Variants in CCDC149 observed in about 807,000 individuals in gnomAD.
CCDC149 encodes coiled-coil domain-containing protein 149.
CCDC149 carries 45 observed loss-of-function variants against 59.9 expected under a neutral mutation model. That is an observed-to-expected ratio of 0.75 (90% confidence interval 0.59 to 0.96). The LOEUF is 0.96. Among genes scored for constraint, CCDC149 ranks in the 40% least tolerant of loss-of-function variants. The pLI, the probability that CCDC149 is intolerant of heterozygous loss-of-function variation, is 0.00. For missense variants in CCDC149, 584 were observed against 664.7 expected (o/e 0.88, Z 1.33); for synonymous variants, 245 against 260.6 (o/e 0.94, Z 0.58).
chr4:24,973,893 T>C (rs1441630517), intron 1 of CCDC149, among the ~76,000 whole-genome samples: 1 of 152,240 alleles, frequency 6.6e-6, no homozygotes, highest in African/African-American at 2.4e-5. Flanking sequence ...GCTGCCTGCC[T>C]TAAGGCAAGT....
At chr4:24,831,921 G>A (rs1668723867) in intron 8 of CCDC149, among the ~76,000 whole-genome samples, 1 of 152,154 alleles carries the variant, frequency 6.6e-6, no homozygotes, top group South Asian at 2.1e-4. Context: ...CTTTCATAAT[G>A]ACTAACGCAT....
At chr4:24,835,466 G>T (rs963483912) in intron 7 of CCDC149, among the ~76,000 whole-genome samples, 2 of 152,152 alleles carry the variant, frequency 1.3e-5, no homozygotes, top group African/African-American at 4.8e-5. Flanking sequence ...GTCTGCCGTG[G>T]ATACAGATTA....
chr4:24,947,254 G>A (rs939167241), intron 1 of CCDC149, among the ~76,000 whole-genome samples: 8 of 152,138 alleles, frequency 5.3e-5, no homozygotes, highest in Admixed American at 3.9e-4. Context: ...AGGTAATTTA[G>A]TCATGGGGGT....
At chr4:24,916,588 A>C (rs1442733179), upstream of CCDC149, among the ~76,000 whole-genome samples, 5 of 152,132 alleles carry the variant, frequency 3.3e-5, no homozygotes, top group Non-Finnish European at 7.4e-5. Context: ...TGGCTGCCCA[A>C]GCAAAATTCG....
chr4:24,940,884 A>G (rs2109348278), intron 1 of CCDC149, among the ~76,000 whole-genome samples: 1 of 152,372 alleles, frequency 6.6e-6, no homozygotes, highest in Admixed American at 6.5e-5. Flanking sequence ...AGGAGCACCC[A>G]GATTCATAAA....
At chr4:24,959,485 G>C (rs932815334) in intron 1 of CCDC149, among the ~76,000 whole-genome samples, 1 of 145,596 alleles carries the variant, frequency 6.9e-6, no homozygotes, top group Admixed American at 6.7e-5. Flanking sequence ...AGAGGAGGAA[G>C]CAGCACAGAA....
rs1236034469 is a variant in CCDC149 at position 24,806,267 on chromosome 4, C to T, written c.*2122G>A. ...AACTAACTTACTGGCTCTCATTTCA[C>T]CTGATAACATAAGACCCTCCCCGCT... On this transcript the variant is annotated 3_prime_UTR_variant, in exon 13 of 13. Transcript: ENST00000635206. The T allele has an allele frequency of 6.6e-6, 1 of 152,222 alleles. No homozygotes were observed. The highest frequency in any genetic ancestry group is 1.5e-5 in the Non-Finnish European group (1 of 68,074). 9.4% of individuals were successfully genotyped at this position (152,222 alleles called of 1,614,324 possible). A position where few individuals can be genotyped will look rare whatever the true frequency, so the allele number is the denominator to read the frequency against.
At chr4:24,948,364 T>C (rs1723184015) in intron 1 of CCDC149, among the ~76,000 whole-genome samples, 1 of 152,162 alleles carries the variant, frequency 6.6e-6, no homozygotes, top group Non-Finnish European at 1.5e-5. Flanking sequence ...TTCACAATGT[T>C]GGTTATCTTT....
At chr4:24,827,607 A>G (rs764821164) in intron 9 of CCDC149, 10 of 152,258 alleles carry the variant, frequency 6.6e-5, no homozygotes, top group Non-Finnish European at 1.3e-4. Flanking sequence ...GGTTTGAAAG[A>G]TAAATGAACC....
chr4:24,952,378 G>A (rs371847700), intron 1 of CCDC149, among the ~76,000 whole-genome samples: 1 of 151,706 alleles, frequency 6.6e-6, no homozygotes, highest in African/African-American at 2.4e-5. Flanking sequence ...GATCACTTGA[G>A]GTCGGGAGTT....
intron 4 of CCDC149, among the ~76,000 whole-genome samples, chr4:24,840,506 C>G (rs191995480): frequency 6.6e-6 from 1 of 152,280 alleles, no homozygotes; most frequent in Non-Finnish European, 1.5e-5. Context: ...ACCCGACACA[C>G]ACGTTCCCAC....
At chr4:24,839,021 C>T (rs1325268774) in intron 4 of CCDC149, among the ~76,000 whole-genome samples, 1 of 110,296 alleles carries the variant, frequency 9.1e-6, no homozygotes, top group East Asian at 2.5e-4. Context: ...CTCTCTCTCT[C>T]TCTCTCTCAC....
chr4:24,891,910 G>T (rs1455425981), intron 1 of CCDC149, among the ~76,000 whole-genome samples: 1 of 151,950 alleles, frequency 6.6e-6, no homozygotes, highest in Non-Finnish European at 1.5e-5. Flanking sequence ...GAGGTGGGAG[G>T]ATCCCTTGAG....
chr4:24,951,227 C>A (rs1185416583), intron 1 of CCDC149, among the ~76,000 whole-genome samples: 3 of 152,210 alleles, frequency 2.0e-5, no homozygotes, highest in Non-Finnish European at 4.4e-5. Flanking sequence ...CTGCCTACAC[C>A]CAAGGAGCCT....
At chr4:24,821,185 C>A in intron 10 of CCDC149, 98 bp from the exon 11 acceptor site, 1 of 545,816 alleles carries the variant, frequency 1.8e-6, no homozygotes, top group Non-Finnish European at 2.7e-6. Flanking sequence ...AAATTCTCGG[C>A]ATTTGTTCAC....
intron 4 of CCDC149, among the ~76,000 whole-genome samples, chr4:24,850,740 G>A (rs1717606071): frequency 6.6e-6 from 1 of 152,138 alleles, no homozygotes; most frequent in Non-Finnish European, 1.5e-5. Flanking sequence ...AAAAAAAATT[G>A]AAGGTTTAAC....
At chr4:24,867,110 C>A (rs1718750454) in intron 3 of CCDC149, among the ~76,000 whole-genome samples, 1 of 152,194 alleles carries the variant, frequency 6.6e-6, no homozygotes, top group Admixed American at 6.5e-5. Flanking sequence ...CCTCCATTAA[C>A]CTGCTATGTG....
chr4:24,859,274 G>T (rs1022033762), intron 3 of CCDC149, among the ~76,000 whole-genome samples: 7 of 152,142 alleles, frequency 4.6e-5, no homozygotes, highest in Non-Finnish European at 8.8e-5. Context: ...AGTGTTCTGA[G>T]CATATTTGAG....
chr4:24,918,201 G>A (rs995819942), intron 1 of CCDC149, among the ~76,000 whole-genome samples: 8 of 152,148 alleles, frequency 5.3e-5, no homozygotes, highest in African/African-American at 1.9e-4. Context: ...GACCTACTGT[G>A]TACACAGAAA....
Sources: gnomAD v4.1 joint callset for allele counts (sites outside exome capture counted in the v4.1 genomes callset) on GRCh38, gnomAD v4.1.1 for gene constraint, MANE v1.5 for transcripts, NCBI Gene and HGNC (gene_info 2026-07-23, HGNC 2026-07-21) for gene names.